The following SAMD3 variants were observed in gnomAD, a reference collection of about 807,000 sequenced individuals.
SAMD3 encodes the protein sterile alpha motif domain containing 3, also known as sterile alpha motif domain-containing protein 3.
Under a neutral mutation model 58.5 loss-of-function variants are expected in SAMD3, and 63 were observed. The ratio of observed to expected loss-of-function variants is 1.08; its 90% confidence interval spans 0.88 to 1.33. The LOEUF (loss-of-function observed/expected upper bound fraction) is 1.33, where lower values mean the gene tolerates loss of function less well. SAMD3 is among the 40% of genes most tolerant of loss of function. SAMD3 has a pLI of 0.00. For synonymous variants in SAMD3, 220 were observed against 210.3 expected, an observed-to-expected ratio of 1.05 and a Z score of -0.40; for missense variants, 604 against 608.4, an observed-to-expected ratio of 0.99 and a Z score of 0.08.
rs571509257 is a variant in SAMD3, at chr6:130,274,981, G to T, written c.-188+37997C>A. Among the ~76,000 whole-genome samples the T allele has an allele frequency of 5.9e-5, 9 of 152,208 alleles. No individual in the cohort carries two copies. The South Asian group carries it at 1.9e-3, about 32-fold the overall frequency. On this transcript the variant is annotated intron_variant, in intron 2 of 13. Transcript: ENST00000368134. ...ACCCTTGGCACTCAAAATATAGTCT[G>T]CTGACCAGCAGTACTGGCATCAACT... is the stretch of plus-strand genomic sequence containing the variant.
intron 5 of SAMD3, among the ~76,000 whole-genome samples, chr6:130,192,090 T>G (rs1459727833): frequency 3.3e-5 from 5 of 152,216 alleles, no homozygotes; most frequent in Non-Finnish European, 7.3e-5. Flanking sequence ...CCTGGCCTGG[T>G]CCAACACTGG....
chr6:130,275,168 C>CATTT (rs781191623), intron 2 of SAMD3, among the ~76,000 whole-genome samples: 1 of 152,008 alleles, frequency 6.6e-6, no homozygotes, highest in African/African-American at 2.4e-5. Flanking sequence ...CTTGTGGTGT[C>CATTT]ATTTATTTAT....
At chr6:130,154,707 AAAAAAAAAAAAATATAT>A in intron 9 of SAMD3, 101 bp downstream of exon 9, 1 of 139,246 alleles carries the variant, frequency 7.2e-6, no homozygotes, top group Non-Finnish European at 1.3e-5. Flanking sequence ...AAAAAAAAAA[AAAAAAAAAAAAATATAT>A]ATATATATAT....
At chr6:130,324,918 A>G (rs1776706461) in intron 1 of SAMD3, among the ~76,000 whole-genome samples, 1 of 152,170 alleles carries the variant, frequency 6.6e-6, no homozygotes, top group Non-Finnish European at 1.5e-5. Flanking sequence ...CAATCTTGCC[A>G]AGGAGCCAGG....
chr6:130,244,377 A>G (rs1291288569), intron 2 of SAMD3, among the ~76,000 whole-genome samples: 1 of 152,200 alleles, frequency 6.6e-6, no homozygotes, highest in African/African-American at 2.4e-5. Flanking sequence ...TGGCTCCTTC[A>G]TTCTCTAGCT....
intron 2 of SAMD3, among the ~76,000 whole-genome samples, chr6:130,278,814 G>A (rs1207292126): frequency 6.6e-6 from 1 of 150,666 alleles, no homozygotes; most frequent in African/African-American, 2.4e-5. Flanking sequence ...AGGAGAACTG[G>A]ATAGTAGTAA....
rs1314402883 is a variant in SAMD3, at chr6:130,144,405, T to G, written c.*115A>C. The G allele has an allele frequency of 1.1e-6, 1 of 902,864 alleles. No individual in the cohort carries two copies. The highest frequency in any genetic ancestry group is 2.6e-5 in the East Asian group (1 of 38,842). 55.9% of individuals were successfully genotyped at this position (902,864 alleles called of 1,614,324 possible). A position where few individuals can be genotyped will look rare whatever the true frequency, so the allele number is the denominator to read the frequency against. On this transcript the variant is annotated 3_prime_UTR_variant, in exon 12 of 12. Transcript: ENST00000439090. ...AAGCATTGAAATTCATTAGCATCTATAAATACAAGATGATTTTCTCATACC... is the reference window on the plus strand; with the variant it reads ...AAGCATTGAAATTCATTAGCATCTAGAAATACAAGATGATTTTCTCATACC...
intron 5 of SAMD3, among the ~76,000 whole-genome samples, chr6:130,192,116 A>G (rs1243229459): frequency 6.6e-6 from 1 of 152,186 alleles, no homozygotes; most frequent in African/African-American, 2.4e-5. Context: ...TGAGCACTCA[A>G]CTACATCTAG....
At chr6:130,145,068 T>C (rs1330035686) in intron 11 of SAMD3, among the ~76,000 whole-genome samples, 1 of 152,166 alleles carries the variant, frequency 6.6e-6, no homozygotes, top group Non-Finnish European at 1.5e-5. Flanking sequence ...CAGACCAGCC[T>C]GACCAACACC....
intron 1 of SAMD3, among the ~76,000 whole-genome samples, chr6:130,218,713 C>T (rs1796103074): frequency 6.6e-6 from 1 of 151,918 alleles, no homozygotes; most frequent in Non-Finnish European, 1.5e-5. Context: ...GTCCTGGAAG[C>T]GAATGGATCT....
intron 2 of SAMD3, among the ~76,000 whole-genome samples, chr6:130,262,954 G>T (rs1005816718): frequency 1.3e-5 from 2 of 151,992 alleles, no homozygotes; most frequent in African/African-American, 2.4e-5. Context: ...CTGCTCTTTA[G>T]CAAAAATTAT....
intron 7 of SAMD3, among the ~76,000 whole-genome samples, chr6:130,180,933 T>C (rs1372091743): frequency 9.5e-6 from 1 of 105,798 alleles, no homozygotes. Flanking sequence ...TTTTCTTTTC[T>C]TTTTTCTTTT....
intron 2 of SAMD3, among the ~76,000 whole-genome samples, chr6:130,295,203 G>A (rs995440177): frequency 5.9e-5 from 9 of 152,106 alleles, no homozygotes; most frequent in East Asian, 3.9e-4. Context: ...GATTATAGGC[G>A]TGAGCCACCA....
chr6:130,354,215 C>A (rs1017123502), intron 1 of SAMD3, among the ~76,000 whole-genome samples: 2 of 152,180 alleles, frequency 1.3e-5, no homozygotes, highest in Non-Finnish European at 2.9e-5. Context: ...AATGCTCATA[C>A]ACTGTTGGTG....
intron 2 of SAMD3, among the ~76,000 whole-genome samples, chr6:130,264,159 C>T (rs1164527523): frequency 6.6e-6 from 1 of 152,184 alleles, no homozygotes; most frequent in East Asian, 1.9e-4. Flanking sequence ...GGTGGTCCTC[C>T]AGTCGACCAT....
At chr6:130,254,225 C>T (rs4897385) in intron 2 of SAMD3, among the ~76,000 whole-genome samples, 63,036 of 151,456 alleles carry the variant, frequency 0.42, 14,207 homozygotes, top group African/African-American at 0.58. Context: ...CAGAGTTTTG[C>T]TCTTATTGCC....
At chr6:130,294,594 TCAAGGATTAATTTTTATTTTTG>T in intron 2 of SAMD3, among the ~76,000 whole-genome samples, 1 of 151,614 alleles carries the variant, frequency 6.6e-6, no homozygotes. Flanking sequence ...GTTTCTAATT[TCAAGGATTAATTTTTATTTTTG>T]CAAGGATTAA....
rs1035064328 is a variant in SAMD3, at chr6:130,216,153, G to A, written c.-22+418C>T. On this transcript the variant is annotated intron_variant, in intron 2 of 11. Transcript: ENST00000439090. ...AGTTATTTTTGTATGCCACTTGTCT[G>A]CAACCACTTAGAAAACTTAAAACTA... Among the ~76,000 whole-genome samples the A allele has an allele frequency of 4.6e-5, 7 of 151,390 alleles. No homozygotes were observed. In the East Asian group the frequency reaches 1.4e-3, roughly 29 times the overall value.
At chr6:130,148,896 C>T (rs1788882115) in intron 9 of SAMD3, among the ~76,000 whole-genome samples, 1 of 152,110 alleles carries the variant, frequency 6.6e-6, no homozygotes, top group African/African-American at 2.4e-5. Flanking sequence ...ACCAAGATTT[C>T]AGCCCTGGTG....
Sources: allele counts gnomAD v4.1 joint callset (sites outside exome capture counted in the v4.1 genomes callset), GRCh38; gene constraint gnomAD v4.1.1; transcripts MANE v1.5; gene names NCBI Gene and HGNC (gene_info 2026-07-23, HGNC 2026-07-21).